The following HDX variants were observed in gnomAD, a reference collection of about 807,000 sequenced individuals.
The protein encoded by HDX is highly divergent homeobox, also known as chromosome X open reading frame 43.
A neutral mutation model predicts 45.2 loss-of-function variants in HDX; 19 were observed. The observed-to-expected ratio is 0.42, with a 90% CI of 0.29 to 0.62. The LOEUF (loss-of-function observed/expected upper bound fraction) is 0.62. Ranked by LOEUF, HDX falls within the 20% of genes least tolerant of loss-of-function variation. HDX has a pLI of 0.20. For synonymous variants in HDX, 188 were observed against 172.8 expected (o/e 1.09, Z -0.69); for missense variants, 532 against 493.9 (o/e 1.08, Z -0.73).
Position 84,444,221 on chromosome X carries a change from G to T in HDX, c.1252-3636C>A, listed in dbSNP as rs747313408. Among the ~76,000 whole-genome samples, 106 of 111,332 alleles carry T rather than the reference G, an allele frequency of 9.5e-4. 1 individual carries two copies. The highest frequency in any genetic ancestry group is 4.6e-3 in the Middle Eastern group (1 of 216). Reference sequence around the variant, plus strand: ...GGAATGGTCAGTTCAACTAGAACTAGAAAGGGGAGTTAAGGTCCCTGTGTG... The same window carrying T: ...GGAATGGTCAGTTCAACTAGAACTATAAAGGGGAGTTAAGGTCCCTGTGTG... On this transcript the variant is annotated intron_variant, in intron 4 of 10. Transcript: ENST00000373177.
intron 5 of HDX, among the ~76,000 whole-genome samples, chrX:84,403,385 A>G (rs1232564155): frequency 9.0e-6 from 1 of 111,578 alleles, no homozygotes; most frequent in African/African-American, 3.2e-5. Context: ...AATTTAATAT[A>G]CTACAAAATT....
intron 5 of HDX, among the ~76,000 whole-genome samples, chrX:84,431,537 A>T (rs2039504879): frequency 9.0e-6 from 1 of 111,281 alleles, no homozygotes; most frequent in Non-Finnish European, 1.9e-5. Flanking sequence ...TTTAAATAAT[A>T]GCTATTCTGA....
rs2037926130 is a variant in HDX at position 84,372,698 on chromosome X, T to A, written c.1306-11086A>T. On this transcript the variant is annotated intron_variant, in intron 5 of 10. Coordinates refer to ENST00000373177, the MANE Select transcript of HDX (RefSeq NM_001177479.2). The stretch of plus-strand genomic sequence containing the variant: ...AAAAGCGAGAATTGTTCTTGTAAAA[T>A]GTAAACTCCCAAAGGTTTATCATAG... 2.7e-5 allele frequency among the ~76,000 whole-genome samples: 3 copies of A among 112,286 alleles called. No homozygotes were observed. In the South Asian group the frequency reaches 1.1e-3, roughly 41 times the overall value.
intron 5 of HDX, among the ~76,000 whole-genome samples, chrX:84,397,130 C>T (rs2038585430): frequency 8.9e-6 from 1 of 112,180 alleles, no homozygotes; most frequent in African/African-American, 3.2e-5. Context: ...ACTGAAGCTA[C>T]ACTTAAGGAA....
At chrX:84,410,246 G>C (rs1314875189) in intron 5 of HDX, among the ~76,000 whole-genome samples, 1 of 110,653 alleles carries the variant, frequency 9.0e-6, no homozygotes, top group Non-Finnish European at 1.9e-5. Context: ...TGTTCAAGGG[G>C]AATGTCCAGC....
chrX:84,421,702 T>C (rs2039257536), intron 5 of HDX, among the ~76,000 whole-genome samples: 1 of 105,520 alleles, frequency 9.5e-6, no homozygotes, highest in Non-Finnish European at 1.9e-5. Flanking sequence ...ACACATAGGC[T>C]GAAAATAAAG....
At chrX:84,418,543 A>G (rs765124748) in intron 5 of HDX, among the ~76,000 whole-genome samples, 1 of 111,709 alleles carries the variant, frequency 9.0e-6, no homozygotes, top group East Asian at 2.8e-4. Context: ...AGAACTAAAA[A>G]TTTCACTATT....
At chrX:84,334,632 G>A (rs2036916708) in intron 8 of HDX, among the ~76,000 whole-genome samples, 1 of 100,912 alleles carries the variant, frequency 9.9e-6, no homozygotes, top group Admixed American at 1.1e-4. Context: ...AACCATGAGG[G>A]GGCAAGTTCT....
intron 2 of HDX, among the ~76,000 whole-genome samples, chrX:84,486,426 C>A (rs1183135295): frequency 9.0e-6 from 1 of 111,316 alleles, no homozygotes; most frequent in Non-Finnish European, 1.9e-5. Context: ...CCCATATTTA[C>A]CCAGAATTTG....
At chrX:84,366,115 G>C (rs1450706792) in intron 5 of HDX, among the ~76,000 whole-genome samples, 2 of 111,873 alleles carry the variant, frequency 1.8e-5, no homozygotes, top group Admixed American at 9.5e-5. Flanking sequence ...TCCTTAAGCT[G>C]ATAAGCAACT....
intron 5 of HDX, among the ~76,000 whole-genome samples, chrX:84,401,561 T>A (rs1019018818): frequency 1.9e-4 from 21 of 111,583 alleles, no homozygotes; most frequent in Admixed American, 3.8e-4. Context: ...AAACAACAGA[T>A]GCAAGCAAGG....
Position 84,423,030 on chromosome X carries a change from A to G in HDX, c.1305+17502T>C, listed in dbSNP as rs187464189. On this transcript the variant is annotated intron_variant, in intron 5 of 10. Coordinates refer to ENST00000373177, the MANE Select transcript of HDX (RefSeq NM_001177479.2). ...AGAAATTTAAAAAAAAGAAAATACA[A>G]ATAAATAAAATCAGAAATTAAAAAT... Among the ~76,000 whole-genome samples the G allele has an allele frequency of 4.5e-5, 5 of 111,316 alleles. No individual in the cohort carries two copies. The East Asian group carries it at 1.4e-3, about 31-fold the overall frequency.
At chrX:84,470,413 G>A (rs2040433939) in intron 3 of HDX, among the ~76,000 whole-genome samples, 1 of 111,412 alleles carries the variant, frequency 9.0e-6, no homozygotes, top group African/African-American at 3.3e-5. Flanking sequence ...TCATAGAATT[G>A]CCTATCCATT....
intron 5 of HDX, among the ~76,000 whole-genome samples, chrX:84,397,918 A>G (rs955050112): frequency 9.0e-6 from 1 of 111,310 alleles, no homozygotes; most frequent in Non-Finnish European, 1.9e-5. Flanking sequence ...GCTGACTAGA[A>G]GCAGCAGCAA....
At chrX:84,408,499 GTTTTTTT>G (rs1220751208) in intron 5 of HDX, among the ~76,000 whole-genome samples, 11 of 44,436 alleles carry the variant, frequency 2.5e-4, no homozygotes, top group South Asian at 2.2e-3. Context: ...CTCCAGCTTT[GTTTTTTT>G]TTTTTTTTTT....
At chrX:84,322,042 T>C (rs765613995) in intron 10 of HDX, 28 bp from the exon 11 acceptor site, 8 of 1,048,879 alleles carry the variant, frequency 7.6e-6, no homozygotes, top group Non-Finnish European at 1.0e-5. Flanking sequence ...TATTTTTGGA[T>C]TAGTATGTGG....
At chrX:84,364,847 T>A (rs1039052852) in intron 5 of HDX, among the ~76,000 whole-genome samples, 1 of 110,957 alleles carries the variant, frequency 9.0e-6, no homozygotes, top group African/African-American at 3.3e-5. Context: ...ATAAGTGGGA[T>A]CAAGGAGTAT....
intron 5 of HDX, among the ~76,000 whole-genome samples, chrX:84,399,827 A>G (rs1381460576): frequency 8.9e-6 from 1 of 111,861 alleles, no homozygotes; most frequent in East Asian, 2.8e-4. Context: ...AATACTGGCA[A>G]ACTGAATCCA....
chrX:84,324,536 A>G (rs778392268), intron 10 of HDX, among the ~76,000 whole-genome samples: 1 of 111,607 alleles, frequency 9.0e-6, no homozygotes, highest in African/African-American at 3.2e-5. Flanking sequence ...AGTTCACTAC[A>G]ATTTTTGAAT....
Sources: gnomAD v4.1 joint callset for allele counts (sites outside exome capture counted in the v4.1 genomes callset) on GRCh38, gnomAD v4.1.1 for gene constraint, MANE v1.5 for transcripts, NCBI Gene and HGNC (gene_info 2026-07-23, HGNC 2026-07-21) for gene names.